Variants in ACSBG1 observed in about 807,000 individuals in gnomAD.
The protein encoded by ACSBG1 is long-chain-fatty-acid--CoA ligase ACSBG1.
In ACSBG1, 39 loss-of-function variants were observed where a neutral mutation model predicts 80.2. The ratio of observed to expected loss-of-function variants is 0.49; its 90% CI spans 0.38 to 0.64. The LOEUF (loss-of-function observed/expected upper bound fraction) is 0.64. ACSBG1 is among the 30% of genes least tolerant of loss of function. ACSBG1 has a pLI of 0.00. For synonymous variants in ACSBG1, 392 were observed against 379.5 expected (o/e 1.03, Z -0.38); for missense variants, 828 against 966.4 (o/e 0.86, Z 1.90).
intron 1 of ACSBG1, among the ~76,000 whole-genome samples, chr15:78,208,730 G>A (rs1172382437): frequency 6.6e-6 from 1 of 152,146 alleles, no homozygotes; most frequent in Non-Finnish European, 1.5e-5. Flanking sequence ...GAGGCCCAGG[G>A]CCTGACCCAG....
chr15:78,221,863 A>C (rs1192795667), intron 1 of ACSBG1, among the ~76,000 whole-genome samples: 1 of 152,190 alleles, frequency 6.6e-6, no homozygotes, highest in Non-Finnish European at 1.5e-5. Context: ...AAATCCCTTA[A>C]ACCTTGATTC....
intron 5 of ACSBG1, among the ~76,000 whole-genome samples, chr15:78,192,107 G>T (rs966634408): frequency 6.6e-6 from 1 of 152,146 alleles, no homozygotes; most frequent in African/African-American, 2.4e-5. Flanking sequence ...GCCAGCTGAG[G>T]ATGAAGGCAG....
intron 5 of ACSBG1, among the ~76,000 whole-genome samples, chr15:78,185,758 C>T (rs985384475): frequency 9.9e-5 from 15 of 151,090 alleles, no homozygotes; most frequent in African/African-American, 3.4e-4. Context: ...TAAAAGCAGC[C>T]AGAAAAACAA....
In ACSBG1 at chr15:78,169,793, G is replaced by C. The variant is rs1215933161; in HGVS notation, c.*1651C>G. On this transcript the variant is annotated 3_prime_UTR_variant, in exon 14 of 14. Coordinates refer to ENST00000258873, the MANE Select transcript of ACSBG1 (RefSeq NM_015162.5). ...GGATACATTTTCAGCATCATGAGTT[G>C]TCACAGCCTCTGAGCCCCTGATCTG... The C allele has an allele frequency of 2.0e-5, 3 of 152,212 alleles. No individual in the cohort carries two copies. In the South Asian group the frequency reaches 6.2e-4, roughly 32 times the overall value. 9.4% of individuals were successfully genotyped at this position (152,212 alleles called of 1,614,324 possible).
At chr15:78,205,073 C>G (rs2075201345) in intron 2 of ACSBG1, among the ~76,000 whole-genome samples, 1 of 152,100 alleles carries the variant, frequency 6.6e-6, no homozygotes, top group Non-Finnish European at 1.5e-5. Context: ...CAGCTGCTCA[C>G]CCCGGGTGCC....
chr15:78,212,074 T>C (rs912103640), intron 1 of ACSBG1, among the ~76,000 whole-genome samples: 1 of 152,242 alleles, frequency 6.6e-6, no homozygotes, highest in African/African-American at 2.4e-5. Flanking sequence ...CGGATGAGGA[T>C]CCGTTTCCCA....
chr15:78,231,287 A>ATTT (rs59300084), intron 1 of ACSBG1, among the ~76,000 whole-genome samples: 7 of 148,302 alleles, frequency 4.7e-5, no homozygotes, highest in African/African-American at 1.2e-4. Flanking sequence ...CGCCTGGCTA[A>ATTT]TTTTTTTTTT....
intron 1 of ACSBG1, among the ~76,000 whole-genome samples, chr15:78,220,556 T>C (rs1457217618): frequency 6.6e-6 from 1 of 152,146 alleles, no homozygotes; most frequent in Non-Finnish European, 1.5e-5. Flanking sequence ...AGAAAACATT[T>C]GCAAATCATA....
Position 78,179,562 on chromosome 15 carries a change from T to C in ACSBG1, c.1472A>G (p.Tyr491Cys), listed in dbSNP as rs751392550. ...CCTCGAGCCTCACCTGTACAGCCGG[T>C]AGTTGTAGGGACTGGACATGAAGTG... ...GPHFMSSPYN[Y>C]RLYSSGKLVP... Residue 491 changes from tyrosine to cysteine, a missense_variant, in exon 10 of 14, where the codon TAC becomes TGC. By Grantham distance (194) the Tyr-to-Cys change is radical (BLOSUM62 -2). Coordinates refer to ENST00000258873, the MANE Select transcript of ACSBG1 (RefSeq NM_015162.5). 3.1e-6 allele frequency: 5 copies of C among 1,612,756 alleles called. No homozygotes were observed. Among genetic ancestry groups the C allele is most frequent in the Non-Finnish European group, 8.5e-7 (1 of 1,178,876 alleles).
chr15:78,173,465 G>T, intron 13 of ACSBG1, 128 bp downstream of exon 13: 1 of 1,294,208 alleles, frequency 7.7e-7, no homozygotes, highest in East Asian at 2.4e-5. Context: ...GAAGTAGATG[G>T]GTGTCACCCA....
chr15:78,186,299 G>T (rs2141337558), intron 5 of ACSBG1, among the ~76,000 whole-genome samples: 1 of 152,234 alleles, frequency 6.6e-6, no homozygotes, highest in South Asian at 2.1e-4. Flanking sequence ...CCCAGGAATT[G>T]AACTCAGCTC....
intron 1 of ACSBG1, among the ~76,000 whole-genome samples, chr15:78,215,000 G>A (rs570387279): frequency 2.6e-5 from 4 of 152,242 alleles, no homozygotes; most frequent in African/African-American, 7.2e-5. Context: ...CCTCTGATGC[G>A]TTAGGACCCC....
chr15:78,221,252 G>C (rs867653594), intron 1 of ACSBG1, among the ~76,000 whole-genome samples: 1 of 152,114 alleles, frequency 6.6e-6, no homozygotes, highest in Admixed American at 6.5e-5. Context: ...TCACTATCTC[G>C]GTAAGGGGAG....
intron 1 of ACSBG1, among the ~76,000 whole-genome samples, chr15:78,230,796 A>G (rs1439572372): frequency 6.6e-6 from 1 of 152,144 alleles, no homozygotes. Context: ...CCTCAGCCAC[A>G]TGGAACTGTA....
chr15:78,203,820 C>T (rs1259195481), intron 2 of ACSBG1, among the ~76,000 whole-genome samples: 1 of 152,174 alleles, frequency 6.6e-6, no homozygotes, highest in Non-Finnish European at 1.5e-5. Context: ...GGGTCTCAGG[C>T]CTAGGACAGA....
At chr15:78,188,921 T>G (rs1435465535) in intron 5 of ACSBG1, among the ~76,000 whole-genome samples, 22 of 146,386 alleles carry the variant, frequency 1.5e-4, no homozygotes, top group South Asian at 4.3e-4. Flanking sequence ...AACCTACTCA[T>G]CTGACAAAGG....
chr15:78,180,716 ACT>A, intron 9 of ACSBG1, 37 bp downstream of exon 9: 1 of 1,596,852 alleles, frequency 6.3e-7, no homozygotes, highest in Non-Finnish European at 8.5e-7. Context: ...GACCCAGCCC[ACT>A]CTCTCCCCAG....
intron 1 of ACSBG1, among the ~76,000 whole-genome samples, chr15:78,222,900 T>C (rs2075370270): frequency 6.6e-6 from 1 of 152,216 alleles, no homozygotes; most frequent in African/African-American, 2.4e-5. Context: ...ATGACATTTT[T>C]ATTTAAATAG....
intron 1 of ACSBG1, among the ~76,000 whole-genome samples, chr15:78,222,670 G>C (rs1305777623): frequency 6.6e-6 from 1 of 152,168 alleles, no homozygotes; most frequent in Non-Finnish European, 1.5e-5. Flanking sequence ...ACTAGAAAAA[G>C]ATAATATTTT....
Sources: gnomAD v4.1 joint callset for allele counts (sites outside exome capture counted in the v4.1 genomes callset) on GRCh38, gnomAD v4.1.1 for gene constraint, MANE v1.5 for transcripts, NCBI Gene and HGNC (gene_info 2026-07-23, HGNC 2026-07-21) for gene names.